ANKMY1: variants seen among roughly 807,000 people sequenced by gnomAD.
The protein encoded by ANKMY1 is ankyrin repeat and MYND domain-containing protein 1.
In ANKMY1, 98 loss-of-function variants were observed where a neutral mutation model predicts 102.0. The ratio of observed to expected loss-of-function variants is 0.96; its 90% CI spans 0.82 to 1.14. The LOEUF (loss-of-function observed/expected upper bound fraction) is 1.14, where lower values mean the gene tolerates loss of function less well. Among genes scored for constraint, ANKMY1 ranks in the 50% most tolerant of loss-of-function variants. The probability of loss-of-function intolerance (pLI) is 0.00; values close to 1 mark genes in which losing one functional copy is unlikely to be tolerated. For synonymous variants in ANKMY1, 582 were observed against 559.9 expected (o/e 1.04, Z -0.56); for missense variants, 1,330 against 1,347.6 (o/e 0.99, Z 0.20).
chr2:240,526,435 C>G lies in ANKMY1; in HGVS notation c.964G>C (p.Ala322Pro). 6.2e-7 allele frequency: 1 copy of G among 1,614,110 alleles called. No individual in the cohort carries two copies. The highest frequency in any genetic ancestry group is 2.2e-5 in the East Asian group (1 of 44,882). Reference sequence around the variant, plus strand: ...GCGCCCATGTTCCAGCTGGTGTGAGCTGGCTTGTTCCTGGCAACACAACAA... The same window carrying G: ...GCGCCCATGTTCCAGCTGGTGTGAGGTGGCTTGTTCCTGGCAACACAACAA... The part of the protein sequence containing the change: ...KQTYKFRNKP[A>P]HTSWNMGAIL... Residue 322 changes from alanine (A) to proline (P), a missense_variant, in exon 6 of 18, where the codon GCT (alanine) becomes CCT (proline). Transcript: ENST00000401804.
chr2:240,491,091 C>CTTTTTTTTTTTTTTTTTTTTTTTTTT (rs200434647), intron 15 of ANKMY1, among the ~76,000 whole-genome samples: 1 of 129,582 alleles, frequency 7.7e-6, no homozygotes. Context: ...ATGACTTTGT[C>CTTTTTTTTTTTTTTTTTTTTTTTTTT]TTTTTTTTTT....
intron 15 of ANKMY1, 78 bp from the exon 16 acceptor site, chr2:240,482,339 C>T: frequency 2.2e-6 from 3 of 1,359,284 alleles, no homozygotes; most frequent in Non-Finnish European, 3.1e-6. Context: ...CTCCTTGCGC[C>T]CTCCCTGTGG....
At chr2:240,477,422 AG>A (rs1268683677), downstream of ANKMY1, among the ~76,000 whole-genome samples, 1 of 152,258 alleles carries the variant, frequency 6.6e-6, no homozygotes, top group Non-Finnish European at 1.5e-5. Flanking sequence ...ATTAGTTGTT[AG>A]CATCTTTCTC....
At position 240,529,101 on chromosome 2, in the gene ANKMY1, G is replaced by T. The variant is rs1283000696; in HGVS notation, c.889C>A (p.Pro297Thr). The T allele has an allele frequency of 6.2e-7, 1 of 1,614,064 alleles. No homozygotes were observed. The highest frequency in any genetic ancestry group is 8.5e-7 in the Non-Finnish European group (1 of 1,180,036). The change falls in exon 5 of 18, where the codon CCA becomes ACA. Residue 297 changes from proline (P) to threonine (T), a missense_variant. Transcript: ENST00000401804. The surrounding 1 kb of genome is among the most constrained non-coding windows in gnomAD (Gnocchi z 4.2). ...EIPPFVEDGE[P>T]WFIINETPLL... ...GGGGTCTCATTGATTATGAACCATGGTTCTCCATCCTCAACGAACGGAGGA... is the reference window on the plus strand; with the variant it reads ...GGGGTCTCATTGATTATGAACCATGTTTCTCCATCCTCAACGAACGGAGGA...
At chr2:240,552,685 C>A in intron 4 of ANKMY1, 1 of 597,860 alleles carries the variant, frequency 1.7e-6, no homozygotes, top group African/African-American at 1.9e-5. Context: ...TTTCTTAAAT[C>A]TAAAGGACAT....
chr2:240,525,803 GC>G lies in ANKMY1; in HGVS notation c.1216del (p.Ala406ProfsTer3), dbSNP rs2083250634. ...CTCATCTGAGCACTTGTTCACGTCGGCCCCACAGTCCAGGAGAAGGTTGACA... is the reference window on the plus strand; with the variant it reads ...CTCATCTGAGCACTTGTTCACGTCGGCCCACAGTCCAGGAGAAGGTTGACA... ...DIVNLLLDCG[A>X]DVNKCSDEGL... On this transcript the variant is annotated frameshift_variant, in exon 7 of 18. Coordinates refer to ENST00000401804, the MANE Select transcript of ANKMY1 (RefSeq NM_001282771.3). LOFTEE classifies it high-confidence loss of function. The G allele has an allele frequency of 6.2e-7, 1 of 1,614,124 alleles. No individual in the cohort carries two copies. The highest frequency in any genetic ancestry group is 2.2e-5 in the East Asian group (1 of 44,884).
intron 9 of ANKMY1, among the ~76,000 whole-genome samples, chr2:240,517,944 T>C (rs992224167): frequency 2.0e-5 from 3 of 152,152 alleles, no homozygotes; most frequent in African/African-American, 4.8e-5. Context: ...GATTGCATTT[T>C]AGAAAAAAAC....
At chr2:240,523,453 T>C (rs868017346) in intron 8 of ANKMY1, 11 of 188,842 alleles carry the variant, frequency 5.8e-5, no homozygotes, top group South Asian at 4.9e-4. Flanking sequence ...CGGGGGTGCA[T>C]AGACCACATT....
intron 15 of ANKMY1, 106 bp from the exon 16 acceptor site, chr2:240,482,367 C>A (rs1391000327): frequency 1.5e-5 from 15 of 991,252 alleles, no homozygotes; most frequent in Non-Finnish European, 2.2e-5. Context: ...CTGCACTACT[C>A]GGGAGGCGGA....
At chr2:240,492,142 G>A (rs1455234025) in intron 15 of ANKMY1, among the ~76,000 whole-genome samples, 2 of 152,082 alleles carry the variant, frequency 1.3e-5, no homozygotes, top group African/African-American at 4.8e-5. Context: ...ACAGGTGCAT[G>A]CCATGACACC....
At chr2:240,546,557 C>A (rs1226823635) in intron 4 of ANKMY1, among the ~76,000 whole-genome samples, 1 of 152,164 alleles carries the variant, frequency 6.6e-6, no homozygotes, top group Non-Finnish European at 1.5e-5. Context: ...TTAAAAGACA[C>A]AGACTGGCAA....
chr2:240,551,246 A>T (rs1241617937), intron 4 of ANKMY1, among the ~76,000 whole-genome samples: 1 of 151,700 alleles, frequency 6.6e-6, no homozygotes, highest in East Asian at 1.9e-4. Context: ...CTTGAAATAT[A>T]CTTTAAGTGT....
In ANKMY1 at chr2:240,479,460, G is replaced by C. The variant is rs926901983; in HGVS notation, c.*149C>G. 9.5e-6 allele frequency: 9 copies of C among 947,722 alleles called. No homozygotes were observed. In the South Asian group the frequency reaches 1.1e-4, roughly 11 times the overall value. The allele number at this position is 947,722 out of a possible 1,614,324, so 58.7% of individuals were successfully genotyped here. ...ACCCCGTGGGGCCAATTTATTGCGA[G>C]GTCGCAAGGGAGACACTGCTACAAA... On this transcript the variant is annotated 3_prime_UTR_variant, in exon 18 of 18. Transcript: ENST00000401804.
chr2:240,526,473 C>T (rs760559666), intron 5 of ANKMY1, 28 bp from the exon 6 acceptor site: 3 of 1,613,598 alleles, frequency 1.9e-6, no homozygotes, highest in South Asian at 1.1e-5. Flanking sequence ...TTCAGTGGTC[C>T]TAGACCAGGT....
Position 240,520,947 on chromosome 2 carries a change from C to T in ANKMY1, c.1833-414G>A, listed in dbSNP as rs564012462. Among the ~76,000 whole-genome samples the T allele has an allele frequency of 1.1e-4, 17 of 151,742 alleles. No individual in the cohort carries two copies. The South Asian group carries it at 3.5e-3, about 32-fold the overall frequency. Reference sequence around the variant, plus strand: ...ACATACAGCACACAACCACACAAACCACACACACACCACACACACCACTCA... The same window carrying T: ...ACATACAGCACACAACCACACAAACTACACACACACCACACACACCACTCA... On this transcript the variant is annotated intron_variant, in intron 8 of 17. Transcript: ENST00000401804. The surrounding 1 kb of genome is among the most constrained non-coding windows in gnomAD (Gnocchi z 4.8).
intron 13 of ANKMY1, among the ~76,000 whole-genome samples, chr2:240,503,466 G>A (rs917465053): frequency 7.9e-5 from 12 of 152,228 alleles, no homozygotes; most frequent in East Asian, 1.9e-4. Context: ...TGGAACCCAT[G>A]CCTGGTGCTG....
intron 13 of ANKMY1, among the ~76,000 whole-genome samples, chr2:240,507,040 G>C (rs1347370793): frequency 7.9e-5 from 12 of 152,020 alleles, no homozygotes. Context: ...GCTGGACCAA[G>C]GTGAGGTCTA....
In ANKMY1 at chr2:240,538,705, G is replaced by A. The variant is rs185931076; in HGVS notation, c.481-9196C>T. Among the ~76,000 whole-genome samples, 57 of 152,254 alleles carry A rather than the reference G, an allele frequency of 3.7e-4. No individual in the cohort carries two copies. In the East Asian group the frequency reaches 0.01, roughly 27 times the overall value. ...ACCTCCCCCAGTGGCCCTGGCGTGCGATCCACTAGGCAAAGCCAGCTGAGC... is the reference window on the plus strand; with the variant it reads ...ACCTCCCCCAGTGGCCCTGGCGTGCAATCCACTAGGCAAAGCCAGCTGAGC... On this transcript the variant is annotated intron_variant, in intron 4 of 17. Transcript: ENST00000401804.
chr2:240,515,294 C>T (rs6729108), intron 9 of ANKMY1, among the ~76,000 whole-genome samples: 56,352 of 151,954 alleles, frequency 0.37, 11,905 homozygotes, highest in East Asian at 0.74. Flanking sequence ...CCCAGCACTT[C>T]GGGAGGCCAA....
Sources: allele counts gnomAD v4.1 joint callset (sites outside exome capture counted in the v4.1 genomes callset), GRCh38; gene constraint gnomAD v4.1.1; non-coding constraint Gnocchi (gnomAD v3.1); transcripts MANE v1.5; gene names NCBI Gene and HGNC (gene_info 2026-07-23, HGNC 2026-07-21).